The following GPC3 variants were observed in gnomAD, a reference collection of about 807,000 sequenced individuals.
GPC3 encodes the protein glypican 3, also known as glypican-3.
A neutral mutation model predicts 34.4 loss-of-function variants in GPC3; 3 were observed. That is an observed-to-expected ratio of 0.09 (90% CI 0.04 to 0.23). The LOEUF (loss-of-function observed/expected upper bound fraction) is 0.23. Among genes scored for constraint, GPC3 ranks in the 10% least tolerant of loss-of-function variants. The pLI is 1.00. For synonymous variants in GPC3, 177 were observed against 174.0 expected (o/e 1.02, Z -0.13); for missense variants, 351 against 445.6 (o/e 0.79, Z 1.91).
At chrX:133,796,167 A>C (rs868126551) in intron 2 of GPC3, among the ~76,000 whole-genome samples, 20 of 109,748 alleles carry the variant, frequency 1.8e-4, no homozygotes, top group East Asian at 5.7e-4. Flanking sequence ...GGATGGTCTC[A>C]ATCTCCTCAC....
chrX:133,890,703 C>CA (rs2076082693), intron 2 of GPC3, among the ~76,000 whole-genome samples: 1 of 109,346 alleles, frequency 9.1e-6, no homozygotes, highest in Non-Finnish European at 1.9e-5. Flanking sequence ...ACTAAAAATA[C>CA]AAAAAAATTA....
intron 2 of GPC3, among the ~76,000 whole-genome samples, chrX:133,927,044 G>A (rs1474304163): frequency 9.0e-6 from 1 of 111,150 alleles, no homozygotes; most frequent in African/African-American, 3.3e-5. Context: ...AGGCAGCAGA[G>A]AGTGCAATTC....
At chrX:133,752,816 A>G (rs2124479295) in intron 3 of GPC3, among the ~76,000 whole-genome samples, 1 of 112,182 alleles carries the variant, frequency 8.9e-6, no homozygotes, top group Non-Finnish European at 1.9e-5. Context: ...TTAATTAGTG[A>G]ACTCTAGCTG....
At chrX:133,953,346 C>G (rs1373129843) in intron 1 of GPC3, 135 bp from the exon 2 acceptor site, 8 of 536,442 alleles carry the variant, frequency 1.5e-5, no homozygotes, top group Non-Finnish European at 2.6e-5. Flanking sequence ...TTTTGAGATA[C>G]AGTAAAATTT....
intron 2 of GPC3, among the ~76,000 whole-genome samples, chrX:133,889,831 C>CTT (rs781203121): frequency 3.3e-3 from 250 of 75,728 alleles, no homozygotes; most frequent in Non-Finnish European, 4.2e-3. Context: ...TTCTAGCCTT[C>CTT]TTTTTTTTTT....
At chrX:133,568,774 C>CTAGA (rs1364256473) in intron 7 of GPC3, among the ~76,000 whole-genome samples, 2 of 110,044 alleles carry the variant, frequency 1.8e-5, no homozygotes, top group African/African-American at 6.6e-5. Flanking sequence ...CAAAAGTATT[C>CTAGA]TAGATAGAAA....
At chrX:133,593,576 T>C (rs1039252285) in intron 7 of GPC3, among the ~76,000 whole-genome samples, 8 of 109,605 alleles carry the variant, frequency 7.3e-5, no homozygotes, top group African/African-American at 1.7e-4. Context: ...CCTCAAGGCA[T>C]GAAGACAGCT....
intron 1 of GPC3, among the ~76,000 whole-genome samples, chrX:133,967,791 G>A (rs2076470559): frequency 2.7e-5 from 3 of 111,436 alleles, no homozygotes. Flanking sequence ...ACCCTGCCCA[G>A]CTAATTTATT....
At chrX:133,831,433 TA>T (rs1258100071) in intron 2 of GPC3, among the ~76,000 whole-genome samples, 1 of 112,018 alleles carries the variant, frequency 8.9e-6, no homozygotes, top group Non-Finnish European at 1.9e-5. Flanking sequence ...AACTTATATT[TA>T]AAAACTCAAC....
intron 2 of GPC3, among the ~76,000 whole-genome samples, chrX:133,875,476 T>A (rs763546011): frequency 8.9e-6 from 1 of 111,955 alleles, no homozygotes; most frequent in Non-Finnish European, 1.9e-5. Flanking sequence ...TCTTCCACTA[T>A]ACTATTTCCT....
chrX:133,859,037 T>A (rs1201186296), intron 2 of GPC3, among the ~76,000 whole-genome samples: 3 of 103,270 alleles, frequency 2.9e-5, no homozygotes, highest in Non-Finnish European at 5.9e-5. Flanking sequence ...GCCGAGATCA[T>A]GCCACTGCAC....
At chrX:133,544,280 C>G (rs2069364625) in intron 7 of GPC3, among the ~76,000 whole-genome samples, 1 of 111,517 alleles carries the variant, frequency 9.0e-6, no homozygotes, top group Non-Finnish European at 1.9e-5. Context: ...ACTTGGGTCA[C>G]CTGGGCTTTG....
intron 7 of GPC3, among the ~76,000 whole-genome samples, chrX:133,585,203 C>T (rs1316268532): frequency 1.8e-5 from 2 of 111,650 alleles, no homozygotes; most frequent in African/African-American, 3.3e-5. Context: ...TTCTTTTTGC[C>T]GTGCTAGAAA....
At chrX:133,564,999 A>T (rs2069570216) in intron 7 of GPC3, among the ~76,000 whole-genome samples, 1 of 112,617 alleles carries the variant, frequency 8.9e-6, no homozygotes. Flanking sequence ...AGAATGGAAG[A>T]TGAACAATCA....
chrX:133,681,593 A>G (rs940784525), intron 5 of GPC3, among the ~76,000 whole-genome samples: 11 of 112,432 alleles, frequency 9.8e-5, no homozygotes, highest in African/African-American at 3.2e-4. Context: ...GGCACCTGCC[A>G]GCCATTTCCT....
intron 7 of GPC3, among the ~76,000 whole-genome samples, chrX:133,559,045 G>A (rs1222478916): frequency 9.0e-6 from 1 of 111,266 alleles, no homozygotes; most frequent in East Asian, 2.8e-4. Context: ...TTAGTATAAT[G>A]TAATTAATTC....
At chrX:133,604,691 G>A (rs1463481595) in intron 6 of GPC3, among the ~76,000 whole-genome samples, 1 of 111,612 alleles carries the variant, frequency 9.0e-6, no homozygotes, top group Non-Finnish European at 1.9e-5. Context: ...ATATTTTAAG[G>A]ATTTAGCTGG....
chrX:133,682,189 G>T (rs2070951183), intron 5 of GPC3, among the ~76,000 whole-genome samples: 1 of 111,105 alleles, frequency 9.0e-6, no homozygotes. Context: ...TTCCAGACCA[G>T]CCTGAGCAAC....
chrX:133,868,956 G>T (rs1290309643), intron 2 of GPC3, among the ~76,000 whole-genome samples: 2 of 112,222 alleles, frequency 1.8e-5, no homozygotes, highest in Non-Finnish European at 1.9e-5. Flanking sequence ...AAAGGGAACA[G>T]ACAAGGTTTA....
Sources: gnomAD v4.1 joint callset for allele counts (sites outside exome capture counted in the v4.1 genomes callset) on GRCh38, gnomAD v4.1.1 for gene constraint, MANE v1.5 for transcripts, NCBI Gene and HGNC (gene_info 2026-07-23, HGNC 2026-07-21) for gene names.